ZBTB40: variants seen among roughly 807,000 people sequenced by gnomAD.
The protein encoded by ZBTB40 is zinc finger and BTB domain containing 40.
A neutral mutation model predicts 117.5 loss-of-function variants in ZBTB40; 60 were observed. That is an observed-to-expected ratio of 0.51 (90% CI 0.41 to 0.63). The LOEUF (loss-of-function observed/expected upper bound fraction) is 0.63. Among genes scored for constraint, ZBTB40 ranks in the 30% least tolerant of loss-of-function variants. The pLI is 0.00. For missense variants in ZBTB40, 1,287 were observed against 1,498.5 expected, an observed-to-expected ratio of 0.86 and a Z score of 2.33; for synonymous variants, 525 against 577.1, an observed-to-expected ratio of 0.91 and a Z score of 1.29.
intron 5 of ZBTB40, among the ~76,000 whole-genome samples, chr1:22,502,755 A>G (rs1295283517): frequency 1.3e-5 from 2 of 152,182 alleles, no homozygotes; most frequent in African/African-American, 4.8e-5. Context: ...GGACAGATGG[A>G]TATATGCTAT....
intron 17 of ZBTB40, among the ~76,000 whole-genome samples, chr1:22,524,647 A>G (rs1639627788): frequency 6.6e-6 from 1 of 152,180 alleles, no homozygotes; most frequent in Admixed American, 6.5e-5. Context: ...GGAGCCTGGA[A>G]CAATAATTTC....
intron 1 of ZBTB40, among the ~76,000 whole-genome samples, chr1:22,463,651 AAG>A (rs1263441024): frequency 6.6e-6 from 1 of 152,242 alleles, no homozygotes; most frequent in Non-Finnish European, 1.5e-5. Context: ...TTGGTCTGTA[AAG>A]AGTTATCTTG....
rs1253179371 is a variant in ZBTB40, at chr1:22,529,211, T to C, written c.*2815T>C. 2 of 152,374 alleles carry C rather than the reference T, an allele frequency of 1.3e-5. No homozygotes were observed. The highest frequency in any genetic ancestry group is 1.3e-4 in the Admixed American group (2 of 15,282). The allele number at this position is 152,374 out of a possible 1,614,324, so 9.4% of individuals were successfully genotyped here. A position where few individuals can be genotyped will look rare whatever the true frequency, so the allele number is the denominator to read the frequency against. The stretch of plus-strand genomic sequence containing the variant: ...GCCATAGAGGACAGTGTTTGTGTGG[T>C]CTCCTGAGTCCACATCGCTCGCTTC... On this transcript the variant is annotated 3_prime_UTR_variant, in exon 18 of 18. Coordinates refer to ENST00000375647, the MANE Select transcript of ZBTB40 (RefSeq NM_014870.4).
chr1:22,486,713 A>G (rs1769821), intron 1 of ZBTB40, among the ~76,000 whole-genome samples: 43 of 14,408 alleles, frequency 3.0e-3, no homozygotes, highest in African/African-American at 0.029. Flanking sequence ...TTGTTCATAC[A>G]TTTTTTTTGT....
At chr1:22,480,064 C>T (rs1368335280) in intron 1 of ZBTB40, among the ~76,000 whole-genome samples, 1 of 152,068 alleles carries the variant, frequency 6.6e-6, no homozygotes, top group Non-Finnish European at 1.5e-5. Flanking sequence ...CCCCCCACCA[C>T]GCCAGCTAGT....
chr1:22,517,476 CTG>C lies in ZBTB40; in HGVS notation c.2833+15_2833+16del. ...GCACACCTTTCACAGTATGTAGAGA[CTG>C]TGGATCTCAAGCCCTCAGTGCCAGC... is the stretch of plus-strand genomic sequence containing the variant. On this transcript the variant is annotated intron_variant, in intron 13 of 17. Transcript: ENST00000375647. 1.2e-6 allele frequency: 2 copies of C among 1,608,216 alleles called. No homozygotes were observed. Among genetic ancestry groups the C allele is most frequent in the Non-Finnish European group, 1.7e-6 (2 of 1,175,928 alleles).
rs2124356594 is a variant in ZBTB40 at position 22,429,922 on chromosome 1, G to A, written c.-70+908G>A. Among the ~76,000 whole-genome samples, 2 of 152,258 alleles carry A rather than the reference G, an allele frequency of 1.3e-5. 1 individual carries two copies. The highest frequency in any genetic ancestry group is 4.2e-4 in the South Asian group (2 of 4,814). ...AGGCAGGAGAATCGCTTGAACCCCG[G>A]GAGGCGGAGGGTTGCGGTGAGCTGA... On this transcript the variant is annotated intron_variant, in intron 1 of 8. Transcript: ENST00000650433.
intron 1 of ZBTB40, chr1:22,452,877 GC>G (rs1640916269): frequency 6.6e-6 from 1 of 152,298 alleles, no homozygotes; most frequent in African/African-American, 2.4e-5. Context: ...TGCAGCCAGT[GC>G]TGCAATGAAC....
rs537369388 is a variant in ZBTB40, at chr1:22,521,523, C to G, written c.3076C>G (p.Arg1026Gly). 3 of 1,614,216 alleles carry G rather than the reference C, an allele frequency of 1.9e-6. No individual in the cohort carries two copies. The highest frequency in any genetic ancestry group is 1.7e-6 in the Non-Finnish European group (2 of 1,180,048). ...ATTGTCTGGTTTGTGGTACCACAAT[C>G]GAACCCACCACCCTGACGTATTTGC... ...QQLSGLWYHNRTHHPDVFAAQ... is the reference protein window; with the variant it reads ...QQLSGLWYHNGTHHPDVFAAQ... The change falls in exon 15 of 18, where the codon CGA becomes GGA. Residue 1026 changes from arginine (R) to glycine (G), a missense_variant. Arg to Gly is a moderately radical substitution (Grantham distance 125, BLOSUM62 -2). Around this residue, in one of 2 missense-constraint regions of ZBTB40, gnomAD observed 417 missense variants for 564.1 expected, o/e 0.74. Coordinates refer to ENST00000375647, the MANE Select transcript of ZBTB40 (RefSeq NM_014870.4).
At chr1:22,448,739 G>A (rs1640818451), upstream of ZBTB40, among the ~76,000 whole-genome samples, 8 of 152,154 alleles carry the variant, frequency 5.3e-5, no homozygotes, top group Admixed American at 5.2e-4. Context: ...CATGGTACCT[G>A]GAAGAAAGAG....
chr1:22,447,227 G>T (rs1640799847), upstream of ZBTB40, among the ~76,000 whole-genome samples: 1 of 152,060 alleles, frequency 6.6e-6, no homozygotes, highest in Non-Finnish European at 1.5e-5. Flanking sequence ...TGGTAAAGTT[G>T]ATTCTAAAGG....
rs1639700414 is a variant in ZBTB40, at chr1:22,527,127, C to A, written c.*731C>A. On this transcript the variant is annotated 3_prime_UTR_variant, in exon 18 of 18. Transcript: ENST00000375647. ...CAGCTGCTAGACAGTGTCTGCCTTT[C>A]CAGGACATTCTTCTTGGTATTCCTT... The A allele has an allele frequency of 6.5e-6, 1 of 153,278 alleles. No individual in the cohort carries two copies. Among genetic ancestry groups the A allele is most frequent in the African/African-American group, 2.4e-5 (1 of 41,460 alleles). The allele number at this position is 153,278 out of a possible 1,614,324, so 9.5% of individuals were successfully genotyped here.
Position 22,511,949 on chromosome 1 carries a change from G to T in ZBTB40, c.2276G>T (p.Arg759Leu), listed in dbSNP as rs138771748. Residue 759 changes from arginine (R) to leucine (L), a missense_variant, in exon 11 of 18, where the codon CGG becomes CTG. Physicochemically the swap from Arg to Leu is moderately radical, Grantham distance 102. Coordinates refer to ENST00000375647, the MANE Select transcript of ZBTB40 (RefSeq NM_014870.4). ...CRLKVHMKRC[R>L]VAKSKQVQCK... ...CTAAAGGTGCACATGAAGCGCTGCC[G>T]GGTGGCTAAGAGCAAACAGGTGCAG... The T allele has an allele frequency of 6.2e-7, 1 of 1,614,196 alleles. No homozygotes were observed. The highest frequency in any genetic ancestry group is 8.5e-7 in the Non-Finnish European group (1 of 1,180,048).
At chr1:22,451,655 A>T (rs1315484244), upstream of ZBTB40, among the ~76,000 whole-genome samples, 1 of 152,048 alleles carries the variant, frequency 6.6e-6, no homozygotes, top group Non-Finnish European at 1.5e-5. Context: ...TCAAAAAAAA[A>T]AAAAAGAAAA....
chr1:22,522,532 C>T, intron 16 of ZBTB40, 69 bp downstream of exon 16: 8 of 1,465,582 alleles, frequency 5.5e-6, no homozygotes, highest in Middle Eastern at 1.8e-4. Flanking sequence ...CCACTTGCAG[C>T]TTTGCAACCT....
upstream of ZBTB40, among the ~76,000 whole-genome samples, chr1:22,449,965 C>T (rs953097796): frequency 2.7e-5 from 4 of 149,048 alleles, no homozygotes; most frequent in South Asian, 6.3e-4. Flanking sequence ...TTTTTTGAGA[C>T]GGAGTCTCGC....
At chr1:22,492,621 C>T (rs1638663962) in intron 3 of ZBTB40, among the ~76,000 whole-genome samples, 1 of 152,174 alleles carries the variant, frequency 6.6e-6, no homozygotes, top group Non-Finnish European at 1.5e-5. Flanking sequence ...TACATGCCTT[C>T]TAATAATTAA....
chr1:22,435,096 G>A (rs1640653175), intron 1 of ZBTB40, among the ~76,000 whole-genome samples: 1 of 150,866 alleles, frequency 6.6e-6, no homozygotes. Context: ...TACCTCCCAG[G>A]CTCAACTGAT....
In ZBTB40 at chr1:22,489,907, G is replaced by T; in HGVS notation, c.-42G>T. ...CCTGTCCTCCCAAAGCCAACTCTAAGGAGAGGAGAGGAAGAGCAGTTCTTG... is the reference window on the plus strand; with the variant it reads ...CCTGTCCTCCCAAAGCCAACTCTAATGAGAGGAGAGGAAGAGCAGTTCTTG... On this transcript the variant is annotated 5_prime_UTR_variant, in exon 2 of 18. It adds an upstream start codon to the 5' untranslated region. Coordinates refer to ENST00000375647, the MANE Select transcript of ZBTB40 (RefSeq NM_014870.4). 1 of 1,591,644 alleles carries T rather than the reference G, an allele frequency of 6.3e-7. No individual in the cohort carries two copies.
Sources: gnomAD v4.1 joint callset for allele counts (sites outside exome capture counted in the v4.1 genomes callset) on GRCh38, gnomAD v4.1.1 for gene constraint, gnomAD v4.1.1 regional missense constraint, MANE v1.5 for transcripts, NCBI Gene and HGNC (gene_info 2026-07-23, HGNC 2026-07-21) for gene names.